The following COA8 variants were observed in gnomAD, a reference collection of about 807,000 sequenced individuals.
COA8 encodes the protein UPF0671 protein C14orf153.
In COA8, 20 loss-of-function variants were observed where a neutral mutation model predicts 22.0. The ratio of observed to expected loss-of-function variants is 0.91; its 90% confidence interval spans 0.64 to 1.32. The LOEUF is 1.32. Among genes scored for constraint, COA8 ranks in the 40% most tolerant of loss-of-function variants. The probability of loss-of-function intolerance (pLI) is 0.00; values close to 1 mark genes in which losing one functional copy is unlikely to be tolerated. For synonymous variants in COA8, 105 were observed against 79.9 expected, an observed-to-expected ratio of 1.31 and a Z score of -1.68; for missense variants, 266 against 230.0, an observed-to-expected ratio of 1.16 and a Z score of -1.01.
chr14:103,589,340 G>A (rs1013964644), intron 4 of COA8, among the ~76,000 whole-genome samples: 1 of 152,168 alleles, frequency 6.6e-6, no homozygotes, highest in African/African-American at 2.4e-5. Flanking sequence ...AGTAGGTGGA[G>A]GTGTAAAGGT....
At chr14:103,567,047 A>G (rs2076140173) in intron 1 of COA8, among the ~76,000 whole-genome samples, 1 of 152,140 alleles carries the variant, frequency 6.6e-6, no homozygotes, top group Non-Finnish European at 1.5e-5. Flanking sequence ...AGCTGGGGCT[A>G]CAGGCATGTG....
intron 3 of COA8, among the ~76,000 whole-genome samples, chr14:103,586,365 A>G (rs1012146103): frequency 1.0e-4 from 15 of 150,514 alleles, no homozygotes; most frequent in Non-Finnish European, 1.0e-4. Context: ...GTACCACCAT[A>G]CCTAGCTAAT....
chr14:103,589,777 G>A (rs1193840039), intron 4 of COA8, among the ~76,000 whole-genome samples: 1 of 151,892 alleles, frequency 6.6e-6, no homozygotes, highest in Admixed American at 6.6e-5. Context: ...AGCCGGGTGT[G>A]GTGGCGGGCG....
rs144395279 is a variant in COA8, at chr14:103,581,828, C to T, written c.386-5446C>T. Reference sequence around the variant, plus strand: ...GACACGTGGCTCCTGTCCTGTCTGCCGTGTGGCTAGGGGACAGCCGTGCTT... The same window carrying T: ...GACACGTGGCTCCTGTCCTGTCTGCTGTGTGGCTAGGGGACAGCCGTGCTT... On this transcript the variant is annotated intron_variant, in intron 3 of 4. Coordinates refer to ENST00000409074, the MANE Select transcript of COA8 (RefSeq NM_001370595.2). The surrounding 1 kb of genome is among the most constrained non-coding windows in gnomAD (Gnocchi z 4.1). Among the ~76,000 whole-genome samples, 948 of 152,288 alleles carry T rather than the reference C, an allele frequency of 6.2e-3. 6 individuals are homozygous for T. Among genetic ancestry groups the T allele is most frequent in the Non-Finnish European group, 9.2e-3 (629 of 68,012 alleles).
chr14:103,568,546 T>C (rs1396767903), intron 1 of COA8, among the ~76,000 whole-genome samples: 1 of 143,408 alleles, frequency 7.0e-6, no homozygotes, highest in Non-Finnish European at 1.5e-5. Flanking sequence ...TACACACACA[T>C]GTACACATAT....
intron 3 of COA8, among the ~76,000 whole-genome samples, chr14:103,586,200 CTTTTTTT>C (rs71126040): frequency 2.2e-5 from 2 of 92,696 alleles, no homozygotes; most frequent in Non-Finnish European, 4.2e-5. Flanking sequence ...TGCACCTGGC[CTTTTTTT>C]TTTTTTTTTT....
At chr14:103,586,640 C>CTT (rs56313410) in intron 3 of COA8, among the ~76,000 whole-genome samples, 158 of 142,494 alleles carry the variant, frequency 1.1e-3, no homozygotes, top group African/African-American at 1.6e-3. Context: ...CACGCCTGGC[C>CTT]TTTTTTTTTT....
intron 3 of COA8, among the ~76,000 whole-genome samples, chr14:103,578,655 T>C (rs1409029250): frequency 1.3e-5 from 2 of 152,210 alleles, no homozygotes; most frequent in African/African-American, 4.8e-5. Flanking sequence ...GGTTCGGTAT[T>C]AAGCTGCAGT....
chr14:103,590,596 G>A lies in COA8; in HGVS notation c.*310G>A. The A allele has an allele frequency of 4.4e-6, 1 of 229,416 alleles. No homozygotes were observed. Among genetic ancestry groups the A allele is most frequent in the Admixed American group, 5.3e-5 (1 of 18,848 alleles). The allele number at this position is 229,416 out of a possible 1,614,324, so 14.2% of individuals were successfully genotyped here. A position where few individuals can be genotyped will look rare whatever the true frequency, so the allele number is the denominator to read the frequency against. ...CTATTTAAAAATATTGGCCAGGCAC[G>A]GTGGCTCACACCTGTAATCCCAGCA... On this transcript the variant is annotated 3_prime_UTR_variant, in exon 5 of 5. Transcript: ENST00000409074.
At chr14:103,573,827 A>T (rs974817892) in intron 2 of COA8, among the ~76,000 whole-genome samples, 2 of 152,196 alleles carry the variant, frequency 1.3e-5, no homozygotes, top group Non-Finnish European at 2.9e-5. Context: ...TGCTGGCATT[A>T]TGGGTGTGAG....
chr14:103,563,202 C>T (rs1264470580), intron 1 of COA8, 78 bp downstream of exon 1: 1 of 1,505,870 alleles, frequency 6.6e-7, no homozygotes, highest in Admixed American at 2.0e-5. Flanking sequence ...GGGCCACTCC[C>T]TGTTCTGCAC....
chr14:103,571,837 G>T lies in COA8; in HGVS notation c.321+17G>T. 1 of 1,610,002 alleles carries T rather than the reference G, an allele frequency of 6.2e-7. No homozygotes were observed. Among genetic ancestry groups the T allele is most frequent in the South Asian group, 1.1e-5 (1 of 90,854 alleles). ...TTTAGTAAGGTAAGTTTAAGTTTTAGATCAGAACGGAAGGGTGCGGTGGCT... is the reference window on the plus strand; with the variant it reads ...TTTAGTAAGGTAAGTTTAAGTTTTATATCAGAACGGAAGGGTGCGGTGGCT... On this transcript the variant is annotated intron_variant, in intron 2 of 4. Coordinates refer to ENST00000409074, the MANE Select transcript of COA8 (RefSeq NM_001370595.2).
intron 1 of COA8, 91 bp downstream of exon 1, chr14:103,563,215 C>T (rs2076104332): frequency 1.4e-6 from 2 of 1,474,440 alleles, no homozygotes; most frequent in Non-Finnish European, 1.8e-6. Context: ...TTCTGCACAG[C>T]CGCCTCAGGC....
chr14:103,583,629 C>T (rs565448939), intron 3 of COA8, among the ~76,000 whole-genome samples: 1 of 151,766 alleles, frequency 6.6e-6, no homozygotes, highest in Admixed American at 6.6e-5. Flanking sequence ...TCTCCAACTC[C>T]TCAACACCAG....
chr14:103,579,165 A>G (rs1161171715), intron 3 of COA8, among the ~76,000 whole-genome samples: 2 of 152,076 alleles, frequency 1.3e-5, no homozygotes, highest in Non-Finnish European at 2.9e-5. Flanking sequence ...GGCCCTCTTT[A>G]TCCGAGGGAT....
chr14:103,578,776 A>G (rs908398538), intron 3 of COA8, among the ~76,000 whole-genome samples: 8 of 152,098 alleles, frequency 5.3e-5, no homozygotes, highest in African/African-American at 1.9e-4. Context: ...GTCCTGAGGG[A>G]CGCCCATGTC....
At position 103,583,230 on chromosome 14, in the gene COA8, G is replaced by A. The variant is rs76663844; in HGVS notation, c.386-4044G>A. Reference sequence around the variant, plus strand: ...GTGAATAATCCTGTGTATACCTACAGGTGAACTGCTGAGTTAAGAGTCTTT... The same window carrying A: ...GTGAATAATCCTGTGTATACCTACAAGTGAACTGCTGAGTTAAGAGTCTTT... On this transcript the variant is annotated intron_variant, in intron 3 of 4. Transcript: ENST00000409074. Among the ~76,000 whole-genome samples the A allele has an allele frequency of 8.4e-3, 1,278 of 152,190 alleles. 22 individuals are homozygous for A. The highest frequency in any genetic ancestry group is 0.03 in the African/African-American group (1,236 of 41,532).
intron 4 of COA8, among the ~76,000 whole-genome samples, chr14:103,588,474 T>TTA (rs2076327128): frequency 7.2e-6 from 1 of 139,234 alleles, no homozygotes; most frequent in Non-Finnish European, 1.6e-5. Flanking sequence ...AGTAAGTAAT[T>TTA]AAAAAAATAT....
Position 103,590,364 on chromosome 14 carries a change from A to C in COA8, c.*78A>C. The C allele has an allele frequency of 7.4e-7, 1 of 1,345,600 alleles. No homozygotes were observed. 83.4% of individuals were successfully genotyped at this position (1,345,600 alleles called of 1,614,324 possible). A position where few individuals can be genotyped will look rare whatever the true frequency, so the allele number is the denominator to read the frequency against. On this transcript the variant is annotated 3_prime_UTR_variant, in exon 5 of 5. Transcript: ENST00000409074. ...CTCCTTTCACAGGGGCTCTGAGAAA[A>C]ACTGGAGCTGATCTCAAGAAGCCCC...
Sources: allele counts gnomAD v4.1 joint callset (sites outside exome capture counted in the v4.1 genomes callset), GRCh38; gene constraint gnomAD v4.1.1; non-coding constraint Gnocchi (gnomAD v3.1); transcripts MANE v1.5; gene names NCBI Gene and HGNC (gene_info 2026-07-23, HGNC 2026-07-21).